Variants in GNB4 observed in about 807,000 individuals in gnomAD.
GNB4 encodes the protein guanine nucleotide-binding protein subunit beta-4.
In GNB4, 28 loss-of-function variants were observed where a neutral mutation model predicts 45.2. The ratio of observed to expected loss-of-function variants is 0.62; its 90% CI spans 0.46 to 0.85. The LOEUF is 0.85. GNB4 is among the 40% of genes least tolerant of loss of function. The pLI is 0.00. For missense variants in GNB4, 321 were observed against 425.4 expected (o/e 0.75, Z 2.16); for synonymous variants, 132 against 143.7 (o/e 0.92, Z 0.58).
chr3:179,475,799 C>A, the GNB4 span, among the ~76,000 whole-genome samples: 1 of 152,186 alleles, frequency 6.6e-6, no homozygotes, highest in African/African-American at 2.4e-5. Flanking sequence ...ACAGTCTGCA[C>A]AAGTGATAAT....
intron 8 of GNB4, among the ~76,000 whole-genome samples, chr3:179,409,524 A>G (rs1467621602): frequency 1.0e-5 from 1 of 99,688 alleles, no homozygotes; most frequent in Non-Finnish European, 2.2e-5. Context: ...AAAACAAAAA[A>G]AAAAAGGCCA....
chr3:179,401,649 C>A (rs1714307060), intron 9 of GNB4, among the ~76,000 whole-genome samples: 1 of 152,232 alleles, frequency 6.6e-6, no homozygotes, highest in East Asian at 1.9e-4. Context: ...CTAATAAGTT[C>A]TCGATATTCC....
the GNB4 span, among the ~76,000 whole-genome samples, chr3:179,523,972 A>T: frequency 6.6e-6 from 1 of 152,216 alleles, no homozygotes; most frequent in Non-Finnish European, 1.5e-5. Context: ...CCAAGTTGGC[A>T]TCAGAGTTGG....
chr3:179,526,074 T>C, the GNB4 span, among the ~76,000 whole-genome samples: 1 of 152,060 alleles, frequency 6.6e-6, no homozygotes, highest in Non-Finnish European at 1.5e-5. Flanking sequence ...CAAAGGGAGA[T>C]AGGGTGGGGC....
At chr3:179,464,717 T>TA in the GNB4 span, 1 of 1,047,492 alleles carries the variant, frequency 9.5e-7, no homozygotes, top group South Asian at 1.3e-5. Flanking sequence ...ATAATTATGA[T>TA]AATGTAGATG....
chr3:179,475,365 C>T, the GNB4 span, among the ~76,000 whole-genome samples: 17 of 152,086 alleles, frequency 1.1e-4, no homozygotes, highest in Middle Eastern at 3.4e-3. Flanking sequence ...GTGATCTGCC[C>T]GCCTCGGCCT....
At chr3:179,472,949 G>C in the GNB4 span, among the ~76,000 whole-genome samples, 1 of 152,136 alleles carries the variant, frequency 6.6e-6, no homozygotes, top group African/African-American at 2.4e-5. Context: ...AGATCACGAG[G>C]TTAGGAGATC....
chr3:179,492,480 C>G, the GNB4 span, among the ~76,000 whole-genome samples: 1 of 152,040 alleles, frequency 6.6e-6, no homozygotes, highest in Non-Finnish European at 1.5e-5. Flanking sequence ...TCCCCAGGGC[C>G]CGAGCAGCCC....
rs147472277 is a variant in GNB4 at position 179,404,854 on chromosome 3, G to A, written c.916+336C>T. Among the ~76,000 whole-genome samples, 999 of 152,222 alleles carry A rather than the reference G, an allele frequency of 6.6e-3. 12 individuals are homozygous for A. The highest frequency in any genetic ancestry group is 0.023 in the African/African-American group (947 of 41,520). On this transcript the variant is annotated intron_variant, in intron 9 of 9. Coordinates refer to ENST00000232564, the MANE Select transcript of GNB4 (RefSeq NM_021629.4). ...CATACAAGATCTGCTTCAGAAGGAAGAAAACCAGCAGTTACAATGTTTCCT... is the reference window on the plus strand; with the variant it reads ...CATACAAGATCTGCTTCAGAAGGAAAAAAACCAGCAGTTACAATGTTTCCT...
At chr3:179,420,068 T>C (rs1336690996) in intron 3 of GNB4, among the ~76,000 whole-genome samples, 2 of 151,586 alleles carry the variant, frequency 1.3e-5, no homozygotes, top group African/African-American at 4.8e-5. Flanking sequence ...TCAGAAACTA[T>C]TTAAAAAGAA....
intron 2 of GNB4, among the ~76,000 whole-genome samples, chr3:179,421,507 C>T (rs1714979343): frequency 6.6e-6 from 1 of 152,248 alleles, no homozygotes; most frequent in East Asian, 1.9e-4. Flanking sequence ...GAAATTAAAT[C>T]CTTCCTGCTA....
chr3:179,468,035 A>AAAAAATATATATATATATAT, the GNB4 span, among the ~76,000 whole-genome samples: 40 of 89,864 alleles, frequency 4.5e-4, 3 homozygotes, highest in Middle Eastern at 0.013. Flanking sequence ...TGTTGATAAA[A>AAAAAATATATATATATATAT]ATATATATAT....
intron 2 of GNB4, among the ~76,000 whole-genome samples, chr3:179,424,431 A>G (rs1029808436): frequency 1.3e-5 from 2 of 152,220 alleles, no homozygotes; most frequent in African/African-American, 4.8e-5. Context: ...TTGTTGAGAT[A>G]CCTAAGATTT....
chr3:179,521,818 C>T, the GNB4 span, among the ~76,000 whole-genome samples: 2 of 152,096 alleles, frequency 1.3e-5, no homozygotes, highest in African/African-American at 4.8e-5. Context: ...TTAATTCATA[C>T]AAAACCATAT....
the GNB4 span, among the ~76,000 whole-genome samples, chr3:179,509,681 C>T: frequency 4.7e-4 from 71 of 151,320 alleles, no homozygotes; most frequent in Admixed American, 3.1e-3. Context: ...GGCCACCCTC[C>T]TCCCCACTGG....
the GNB4 span, among the ~76,000 whole-genome samples, chr3:179,517,599 C>A: frequency 6.6e-6 from 1 of 152,136 alleles, no homozygotes; most frequent in South Asian, 2.1e-4. Flanking sequence ...ACCAACCAGC[C>A]CAAGGAACAT....
chr3:179,454,928 A>G (rs1715956641), upstream of GNB4, among the ~76,000 whole-genome samples: 1 of 152,222 alleles, frequency 6.6e-6, no homozygotes, highest in African/African-American at 2.4e-5. Flanking sequence ...TCCCTAGTAG[A>G]TTCTGTAAGA....
intron 5 of GNB4, 95 bp from the exon 6 acceptor site, chr3:179,415,142 AC>A: frequency 1.0e-6 from 1 of 953,736 alleles, no homozygotes; most frequent in Non-Finnish European, 1.4e-6. Flanking sequence ...TAAAAATTAA[AC>A]ACATCTAAGA....
At chr3:179,509,955 C>T in the GNB4 span, among the ~76,000 whole-genome samples, 1 of 152,088 alleles carries the variant, frequency 6.6e-6, no homozygotes, top group Non-Finnish European at 1.5e-5. Context: ...TCCCAAGTAG[C>T]TTGGACGCCA....
Sources: allele counts gnomAD v4.1 joint callset (sites outside exome capture counted in the v4.1 genomes callset), GRCh38; gene constraint gnomAD v4.1.1; transcripts MANE v1.5; gene names NCBI Gene and HGNC (gene_info 2026-07-23, HGNC 2026-07-21).